Variants in SESTD1 observed in about 807,000 individuals in gnomAD.
SESTD1 encodes the protein SEC14 and spectrin domain containing 1, also known as SEC14 domain and spectrin repeat-containing protein 1.
A neutral mutation model predicts 101.7 loss-of-function variants in SESTD1; 43 were observed. That is an observed-to-expected ratio of 0.42 (90% CI 0.33 to 0.55). The LOEUF (loss-of-function observed/expected upper bound fraction) is 0.55, where lower values mean the gene tolerates loss of function less well. Among genes scored for constraint, SESTD1 ranks in the 20% least tolerant of loss-of-function variants. SESTD1 has a pLI of 0.07. For missense variants in SESTD1, 647 were observed against 815.1 expected, an observed-to-expected ratio of 0.79 and a Z score of 2.51; for synonymous variants, 283 against 286.8, an observed-to-expected ratio of 0.99 and a Z score of 0.13.
chr2:179,219,382 G>C (rs2046771126), intron 1 of SESTD1, among the ~76,000 whole-genome samples: 3 of 152,206 alleles, frequency 2.0e-5, no homozygotes, highest in Admixed American at 2.0e-4. Context: ...TTAACAACCA[G>C]TGAAAACCCA....
chr2:179,171,840 TA>T (rs889756341), intron 5 of SESTD1, among the ~76,000 whole-genome samples: 10 of 152,164 alleles, frequency 6.6e-5, no homozygotes, highest in East Asian at 5.8e-4. Context: ...CATAATGCAA[TA>T]AAAAAATTTA....
intron 1 of SESTD1, among the ~76,000 whole-genome samples, chr2:179,238,410 T>A (rs147484639): frequency 6.6e-6 from 1 of 152,296 alleles, no homozygotes; most frequent in African/African-American, 2.4e-5. Context: ...TGATCAAATT[T>A]CTTCAAAATT....
intron 1 of SESTD1, among the ~76,000 whole-genome samples, chr2:179,242,082 A>G (rs1351619064): frequency 6.6e-6 from 1 of 152,210 alleles, no homozygotes; most frequent in East Asian, 1.9e-4. Flanking sequence ...AGCCTTCATC[A>G]AAAGGCTCCT....
intron 4 of SESTD1, among the ~76,000 whole-genome samples, chr2:179,175,360 TATC>T (rs1034109044): frequency 9.9e-5 from 15 of 152,214 alleles, no homozygotes; most frequent in African/African-American, 3.6e-4. Context: ...TCTCCTTAAT[TATC>T]ATTTAAATTT....
At chr2:179,133,950 C>A (rs2045074322) in intron 9 of SESTD1, among the ~76,000 whole-genome samples, 2 of 152,010 alleles carry the variant, frequency 1.3e-5, no homozygotes, top group African/African-American at 4.8e-5. Context: ...TTTAAAGATA[C>A]AAATAATAAG....
At chr2:179,234,212 G>T (rs1267277017) in intron 1 of SESTD1, among the ~76,000 whole-genome samples, 1 of 152,114 alleles carries the variant, frequency 6.6e-6, no homozygotes, top group Non-Finnish European at 1.5e-5. Context: ...CTGCCTGATG[G>T]CCTTCAAACT....
chr2:179,169,007 A>G (rs2045883878), intron 5 of SESTD1, among the ~76,000 whole-genome samples: 1 of 152,184 alleles, frequency 6.6e-6, no homozygotes. Flanking sequence ...TTACAAGCCA[A>G]TAACGGAGTG....
rs2045939630 is a variant in SESTD1 at position 179,172,178 on chromosome 2, C to A, written c.311G>T (p.Trp104Leu). 6.2e-7 allele frequency: 1 copy of A among 1,610,204 alleles called. No homozygotes were observed. The highest frequency in any genetic ancestry group is 1.3e-5 in the African/African-American group (1 of 74,872). The change falls in exon 5 of 18, where the codon TGG becomes TTG. Residue 104 changes from tryptophan to leucine, a missense_variant. Around this residue, in one of 3 missense-constraint regions of SESTD1, gnomAD observed 168 missense variants for 235.1 expected, o/e 0.71. Coordinates refer to ENST00000428443, the MANE Select transcript of SESTD1 (RefSeq NM_178123.5). The part of the protein sequence containing the change: ...LVCVVKPDEF[W>L]DKKVTHFCFW... ...ACAAAAATGCGTTACTTTCTTATCC[C>A]AGAATTCATCTGGCTTTACCACACA...
chr2:179,197,090 T>A (rs1348472477), intron 1 of SESTD1, among the ~76,000 whole-genome samples: 5 of 151,742 alleles, frequency 3.3e-5, no homozygotes, highest in Non-Finnish European at 7.4e-5. Flanking sequence ...ATAACTAGAA[T>A]AACCAATACA....
intron 1 of SESTD1, among the ~76,000 whole-genome samples, chr2:179,243,683 C>A (rs1313592248): frequency 6.7e-6 from 1 of 150,100 alleles, no homozygotes; most frequent in East Asian, 2.0e-4. Flanking sequence ...CGCATGTTCT[C>A]ACTTGTAAGT....
At chr2:179,198,115 A>G (rs1320246536) in intron 1 of SESTD1, among the ~76,000 whole-genome samples, 2 of 152,214 alleles carry the variant, frequency 1.3e-5, no homozygotes, top group Non-Finnish European at 2.9e-5. Context: ...ATGGAGGAAG[A>G]TCTACCAAGC....
chr2:179,168,461 G>A (rs2045874227), intron 5 of SESTD1, among the ~76,000 whole-genome samples: 1 of 152,092 alleles, frequency 6.6e-6, no homozygotes, highest in African/African-American at 2.4e-5. Flanking sequence ...CAACTGCACA[G>A]GAGGTTGCTG....
chr2:179,227,029 C>T (rs2046897048), intron 1 of SESTD1, among the ~76,000 whole-genome samples: 1 of 152,156 alleles, frequency 6.6e-6, no homozygotes, highest in Non-Finnish European at 1.5e-5. Context: ...AGTTCAGGGA[C>T]ATTTACTGAA....
intron 7 of SESTD1, 151 bp downstream of exon 7, chr2:179,149,146 T>C: frequency 2.3e-6 from 1 of 444,060 alleles, no homozygotes. Context: ...GTAAAGCAAA[T>C]TCAAATTCTC....
At chr2:179,179,428 C>T (rs1336784526) in intron 3 of SESTD1, among the ~76,000 whole-genome samples, 1 of 152,158 alleles carries the variant, frequency 6.6e-6, no homozygotes, top group Non-Finnish European at 1.5e-5. Flanking sequence ...TCACTTTTGA[C>T]ACAGAAGACA....
At chr2:179,231,901 A>C (rs2046993871) in intron 1 of SESTD1, among the ~76,000 whole-genome samples, 1 of 152,210 alleles carries the variant, frequency 6.6e-6, no homozygotes, top group South Asian at 2.1e-4. Flanking sequence ...TCACATGAAG[A>C]CATAACCATC....
chr2:179,146,324 G>A, intron 8 of SESTD1, 78 bp downstream of exon 8: 1 of 1,325,922 alleles, frequency 7.5e-7, no homozygotes, highest in Non-Finnish European at 1.1e-6. Flanking sequence ...CATTCATGCT[G>A]AATTCATGTT....
chr2:179,245,147 G>T (rs2047210285), intron 1 of SESTD1, among the ~76,000 whole-genome samples: 1 of 152,134 alleles, frequency 6.6e-6, no homozygotes, highest in Non-Finnish European at 1.5e-5. Context: ...TTCCGTCCAG[G>T]AGTTTGAGAC....
intron 1 of SESTD1, among the ~76,000 whole-genome samples, chr2:179,232,459 A>G (rs528167825): frequency 1.3e-5 from 2 of 152,280 alleles, no homozygotes; most frequent in East Asian, 3.9e-4. Context: ...AAGTAAATGA[A>G]CAAGGTTAAT....
Sources: allele counts gnomAD v4.1 joint callset (sites outside exome capture counted in the v4.1 genomes callset), GRCh38; gene constraint gnomAD v4.1.1; regional missense constraint gnomAD v4.1.1; transcripts MANE v1.5; gene names NCBI Gene and HGNC (gene_info 2026-07-23, HGNC 2026-07-21).